WAPL: variants seen among roughly 807,000 people sequenced by gnomAD.
WAPL encodes the protein wings apart-like protein homolog.
A neutral mutation model predicts 121.0 loss-of-function variants in WAPL; 5 were observed. That is an observed-to-expected ratio of 0.04 (90% confidence interval 0.02 to 0.09). WAPL has a LOEUF of 0.09. Ranked by LOEUF, WAPL falls within the 10% of genes least tolerant of loss-of-function variation. WAPL has a pLI of 1.00. For synonymous variants in WAPL, 480 were observed against 481.5 expected, an observed-to-expected ratio of 1.00 and a Z score of 0.04; for missense variants, 999 against 1,410.8, an observed-to-expected ratio of 0.71 and a Z score of 4.68.
chr10:86,471,953 ATT>A (rs34017842), intron 7 of WAPL, among the ~76,000 whole-genome samples: 3,806 of 147,378 alleles, frequency 0.026, 53 homozygotes, highest in African/African-American at 0.05. Flanking sequence ...CTTTAGCGTA[ATT>A]TTTTTTTTTT....
chr10:86,437,859 A>C, intron 18 of WAPL, 61 bp downstream of exon 18: 1 of 1,291,680 alleles, frequency 7.7e-7, no homozygotes. Flanking sequence ...TAGTATTTTT[A>C]TGTCTACTGT....
chr10:86,441,896 T>G (rs1849479898), intron 17 of WAPL, among the ~76,000 whole-genome samples: 1 of 152,186 alleles, frequency 6.6e-6, no homozygotes, highest in Admixed American at 6.5e-5. Context: ...ATGACCTCAG[T>G]GAGGCACTGA....
intron 4 of WAPL, among the ~76,000 whole-genome samples, chr10:86,488,874 TG>T (rs1322557087): frequency 2.0e-5 from 3 of 152,208 alleles, no homozygotes; most frequent in Admixed American, 2.0e-4. Flanking sequence ...TTGTAAAAAC[TG>T]ACTCAGGCAA....
chr10:86,469,459 G>A (rs1222592427), intron 8 of WAPL, among the ~76,000 whole-genome samples: 7 of 151,652 alleles, frequency 4.6e-5, no homozygotes, highest in Non-Finnish European at 1.0e-4. Flanking sequence ...TCACCATGTT[G>A]CCCAGGCTGG....
At chr10:86,458,684 T>G (rs1841205307) in intron 12 of WAPL, among the ~76,000 whole-genome samples, 1 of 151,856 alleles carries the variant, frequency 6.6e-6, no homozygotes, top group African/African-American at 2.4e-5. Flanking sequence ...ACATACAAAT[T>G]AACTCATTTT....
intron 12 of WAPL, among the ~76,000 whole-genome samples, chr10:86,454,610 T>C (rs372986651): frequency 6.6e-6 from 1 of 152,220 alleles, no homozygotes; most frequent in Non-Finnish European, 1.5e-5. Flanking sequence ...CCGCCTGCCT[T>C]GGCCTCCCAA....
chr10:86,484,073 T>C (rs1220325913), intron 4 of WAPL, among the ~76,000 whole-genome samples: 1 of 152,102 alleles, frequency 6.6e-6, no homozygotes, highest in East Asian at 1.9e-4. Flanking sequence ...AGAAAAAAGC[T>C]TACGGAATAA....
chr10:86,505,300 CT>C (rs531404303), intron 2 of WAPL, among the ~76,000 whole-genome samples: 10,596 of 44,578 alleles, frequency 0.24, 320 homozygotes, highest in South Asian at 0.37. Context: ...GTGCCCAACT[CT>C]TTTTTTTTTT....
intron 16 of WAPL, among the ~76,000 whole-genome samples, chr10:86,444,909 A>AAG (rs1554825854): frequency 2.6e-5 from 4 of 151,428 alleles, no homozygotes; most frequent in Non-Finnish European, 5.9e-5. Flanking sequence ...AAAAAAAAAA[A>AAG]AAAGAAATGC....
chr10:86,518,472 C>A (rs1322091268), intron 1 of WAPL, among the ~76,000 whole-genome samples: 6 of 152,186 alleles, frequency 3.9e-5, no homozygotes, highest in Admixed American at 3.9e-4. Context: ...GGCTGGGAGG[C>A]CGAGGCAGGC....
At chr10:86,455,822 T>TA (rs1327694548) in intron 12 of WAPL, among the ~76,000 whole-genome samples, 2 of 151,564 alleles carry the variant, frequency 1.3e-5, no homozygotes, top group African/African-American at 4.8e-5. Context: ...GTGGGTTGCA[T>TA]AAAAAATATA....
chr10:86,447,275 C>A lies in WAPL; in HGVS notation c.3115-826G>T, dbSNP rs142111025. On this transcript the variant is annotated intron_variant, in intron 15 of 18. Coordinates refer to ENST00000298767, the MANE Select transcript of WAPL (RefSeq NM_015045.5). ...AGCACATATAAACAACAAAAGCTCT[C>A]TGGATTTCCCAATAATTTTCAAGCC... Among the ~76,000 whole-genome samples, 336 of 152,286 alleles carry A rather than the reference C, an allele frequency of 2.2e-3. 4 individuals carry two copies. Among genetic ancestry groups the A allele is most frequent in the Non-Finnish European group, 1.4e-3 (96 of 68,034 alleles).
rs940616484 is a variant in WAPL, at chr10:86,472,416, C to T, written c.1894-72G>A. The T allele has an allele frequency of 3.9e-6, 6 of 1,554,596 alleles. No individual in the cohort carries two copies. The African/African-American group carries it at 8.4e-5, about 22-fold the overall frequency. On this transcript the variant is annotated intron_variant, in intron 6 of 18. Coordinates refer to ENST00000298767, the MANE Select transcript of WAPL (RefSeq NM_015045.5). This position sits in a 1 kb window ranked among gnomAD's most constrained non-coding sequence, Gnocchi z 4.2. ...TATTTAAATCTATGGGCTCACTGTACTTTACATAAGTGCATAAAATAGTTC... is the reference window on the plus strand; with the variant it reads ...TATTTAAATCTATGGGCTCACTGTATTTTACATAAGTGCATAAAATAGTTC...
At chr10:86,471,709 G>A (rs1010950896) in intron 7 of WAPL, among the ~76,000 whole-genome samples, 1 of 151,962 alleles carries the variant, frequency 6.6e-6, no homozygotes, top group Non-Finnish European at 1.5e-5. Flanking sequence ...ATCCAGGCTG[G>A]AGTGCAGCAG....
intron 2 of WAPL, 51 bp downstream of exon 2, chr10:86,517,520 A>G (rs1162169916): frequency 1.3e-6 from 2 of 1,527,312 alleles, no homozygotes; most frequent in Non-Finnish European, 1.7e-6. Flanking sequence ...ATTTAAATAA[A>G]TTGGTTGCAC....
intron 2 of WAPL, among the ~76,000 whole-genome samples, chr10:86,506,903 A>G (rs1163342859): frequency 6.6e-6 from 1 of 152,018 alleles, no homozygotes; most frequent in Non-Finnish European, 1.5e-5. Context: ...AGAGCAGGAC[A>G]GTTTGGGGAC....
chr10:86,441,256 T>C (rs1045779289), intron 17 of WAPL, among the ~76,000 whole-genome samples: 8 of 152,184 alleles, frequency 5.3e-5, no homozygotes, highest in African/African-American at 1.7e-4. Context: ...GGACCCTTCT[T>C]CAACAGTTTT....
chr10:86,500,865 G>A (rs1034392786), intron 2 of WAPL, 122 bp from the exon 3 acceptor site: 8 of 849,884 alleles, frequency 9.4e-6, no homozygotes, highest in Non-Finnish European at 1.4e-5. Flanking sequence ...ATAATTTTAA[G>A]TTGTGAAGAA....
chr10:86,514,177 C>T (rs1842515361), intron 2 of WAPL, among the ~76,000 whole-genome samples: 1 of 152,136 alleles, frequency 6.6e-6, no homozygotes, highest in Admixed American at 6.6e-5. Context: ...TGCAAGAAAA[C>T]AGTCTAGGCA....
Sources: gnomAD v4.1 joint callset for allele counts (sites outside exome capture counted in the v4.1 genomes callset) on GRCh38, gnomAD v4.1.1 for gene constraint, Gnocchi (gnomAD v3.1) non-coding constraint, MANE v1.5 for transcripts, NCBI Gene and HGNC (gene_info 2026-07-23, HGNC 2026-07-21) for gene names.